The following CUX1 variants were observed in gnomAD, a reference collection of about 807,000 sequenced individuals.
The protein encoded by CUX1 is protein CASP.
In CUX1, 31 loss-of-function variants were observed where a neutral mutation model predicts 158.8. The ratio of observed to expected loss-of-function variants is 0.20; its 90% CI spans 0.15 to 0.26. CUX1 has a LOEUF of 0.26. Among genes scored for constraint, CUX1 ranks in the 10% least tolerant of loss-of-function variants. The pLI, the probability that CUX1 is intolerant of heterozygous loss-of-function variation, is 1.00. For missense variants in CUX1, 1,589 were observed against 2,014.6 expected (o/e 0.79, Z 4.04); for synonymous variants, 879 against 862.1 (o/e 1.02, Z -0.34).
chr7:102,232,218 C>G (rs1554531090), intron 21 of CUX1, among the ~76,000 whole-genome samples: 1 of 151,868 alleles, frequency 6.6e-6, no homozygotes, highest in African/African-American at 2.4e-5. Context: ...TGGTGGTGCA[C>G]ACCTGTAATC....
intron 2 of CUX1, among the ~76,000 whole-genome samples, chr7:102,009,594 G>A (rs1331952197): frequency 6.6e-6 from 1 of 152,206 alleles, no homozygotes; most frequent in Non-Finnish European, 1.5e-5. Context: ...CACCCAACCT[G>A]TAGCCTCTTT....
At chr7:102,050,134 C>T (rs779494400) in intron 3 of CUX1, among the ~76,000 whole-genome samples, 3 of 152,202 alleles carry the variant, frequency 2.0e-5, no homozygotes, top group African/African-American at 4.8e-5. Context: ...ACCAAACTGA[C>T]AAATCACTGA....
At chr7:101,956,860 G>A (rs1185825023) in intron 2 of CUX1, among the ~76,000 whole-genome samples, 1 of 152,172 alleles carries the variant, frequency 6.6e-6, no homozygotes, top group African/African-American at 2.4e-5. Context: ...AAGGCGGGAG[G>A]ATCGCTTGAG....
intron 1 of CUX1, among the ~76,000 whole-genome samples, chr7:101,870,978 A>G (rs1798458405): frequency 6.6e-6 from 1 of 152,194 alleles, no homozygotes; most frequent in Non-Finnish European, 1.5e-5. Flanking sequence ...CCTTGGATGG[A>G]CCTAGCCACC....
At chr7:102,264,565 G>C (rs1345354483) in intron 14 of CUX1, 4 of 152,430 alleles carry the variant, frequency 2.6e-5, no homozygotes, top group African/African-American at 9.6e-5. Context: ...GAGTCAACTG[G>C]GAGGCATTGG....
In CUX1 at chr7:102,239,615, T is replaced by G. The variant is rs1554534180; in HGVS notation, c.3887+31T>G. The G allele has an allele frequency of 1.9e-6, 3 of 1,597,836 alleles. No individual in the cohort carries two copies. The South Asian group carries it at 3.4e-5, about 18-fold the overall frequency. On this transcript the variant is annotated intron_variant, in intron 23 of 23. Coordinates refer to ENST00000292535, the MANE Select transcript of CUX1 (RefSeq NM_181552.4). ...ACGGCTGGCTCACAGGGAGCGCCGG[T>G]CGGCCCAGGGGAAGGGGCTGATCTG...
rs139979787 is a variant in CUX1 at position 102,211,718 on chromosome 7, T to G, written c.3130+6548T>G. Among the ~76,000 whole-genome samples the G allele has an allele frequency of 5.4e-4, 80 of 149,084 alleles. 1 individual carries two copies. The highest frequency in any genetic ancestry group is 1.9e-3 in the African/African-American group (76 of 40,136). On this transcript the variant is annotated intron_variant, in intron 20 of 23. Coordinates refer to ENST00000292535, the MANE Select transcript of CUX1 (RefSeq NM_181552.4). ...TTGCTTGAACCCGAGAGACCCAGGT[T>G]GCAGTGGGCCGAGATTGCACTATTG...
At chr7:101,824,099 A>AT (rs1361150407) in intron 1 of CUX1, among the ~76,000 whole-genome samples, 5 of 151,992 alleles carry the variant, frequency 3.3e-5, no homozygotes, top group African/African-American at 1.2e-4. Context: ...TTTTTATTTT[A>AT]TTTTTTGAGA....
At chr7:102,190,893 A>G (rs1794200239) in intron 12 of CUX1, among the ~76,000 whole-genome samples, 2 of 151,794 alleles carry the variant, frequency 1.3e-5, no homozygotes, top group African/African-American at 4.8e-5. Flanking sequence ...CTGCTGTCCC[A>G]TCAGCCCCTT....
At chr7:102,239,888 A>G (rs1167290691) in intron 23 of CUX1, among the ~76,000 whole-genome samples, 1 of 152,132 alleles carries the variant, frequency 6.6e-6, no homozygotes, top group African/African-American at 2.4e-5. Flanking sequence ...CTGGGATTAC[A>G]GGCATGCACC....
chr7:101,965,138 A>G (rs984433861), intron 2 of CUX1, among the ~76,000 whole-genome samples: 18 of 152,342 alleles, frequency 1.2e-4, no homozygotes, highest in Admixed American at 3.3e-4. Flanking sequence ...AGAGCTGCAC[A>G]TGAGGAATTA....
chr7:101,849,407 A>G (rs959484218), intron 1 of CUX1, among the ~76,000 whole-genome samples: 1 of 150,176 alleles, frequency 6.7e-6, no homozygotes, highest in Admixed American at 6.7e-5. Flanking sequence ...TTTAGCTCCC[A>G]CTTATAAGTG....
chr7:102,161,703 T>C (rs1420462424), intron 9 of CUX1, among the ~76,000 whole-genome samples: 3 of 152,184 alleles, frequency 2.0e-5, no homozygotes, highest in African/African-American at 7.2e-5. Context: ...CTCCACCTCA[T>C]GGGTTCAGGC....
At chr7:102,282,221 A>G (rs1459401780) in intron 21 of CUX1, among the ~76,000 whole-genome samples, 1 of 152,126 alleles carries the variant, frequency 6.6e-6, no homozygotes, top group Non-Finnish European at 1.5e-5. Context: ...GTGGGAAGGG[A>G]GCAGGTCTAA....
At chr7:102,090,367 G>T (rs10248846) in intron 4 of CUX1, among the ~76,000 whole-genome samples, 261 of 144,972 alleles carry the variant, frequency 1.8e-3, no homozygotes, top group African/African-American at 6.1e-3. Context: ...CCATGATACC[G>T]TTTTTTTTTT....
chr7:102,231,384 A>C (rs76305718), intron 21 of CUX1, among the ~76,000 whole-genome samples: 12,385 of 151,758 alleles, frequency 0.082, 777 homozygotes, highest in African/African-American at 0.17. Flanking sequence ...GGCTGGTCTC[A>C]AAACTCCTAG....
At chr7:102,182,636 C>G (rs1377622716) in intron 11 of CUX1, among the ~76,000 whole-genome samples, 3 of 152,240 alleles carry the variant, frequency 2.0e-5, no homozygotes, top group Non-Finnish European at 4.4e-5. Flanking sequence ...CCTGCCTAAT[C>G]TGACAAGTGC....
intron 8 of CUX1, among the ~76,000 whole-genome samples, chr7:102,126,740 A>T (rs1832679548): frequency 6.6e-6 from 1 of 152,166 alleles, no homozygotes; most frequent in Non-Finnish European, 1.5e-5. Context: ...TTTTCCATGG[A>T]CCAGTGCAGT....
chr7:101,986,523 C>T (rs901839614), intron 2 of CUX1, among the ~76,000 whole-genome samples: 4 of 152,166 alleles, frequency 2.6e-5, no homozygotes, highest in African/African-American at 9.7e-5. Flanking sequence ...CTTAATCTTC[C>T]CAAGGAGGAT....
Sources: allele counts gnomAD v4.1 joint callset (sites outside exome capture counted in the v4.1 genomes callset), GRCh38; gene constraint gnomAD v4.1.1; transcripts MANE v1.5; gene names NCBI Gene and HGNC (gene_info 2026-07-23, HGNC 2026-07-21).